CCDC88A: variants seen among roughly 807,000 people sequenced by gnomAD.
The protein encoded by CCDC88A is girdin.
Under a neutral mutation model 234.3 loss-of-function variants are expected in CCDC88A, and 54 were observed. The ratio of observed to expected loss-of-function variants is 0.23; its 90% CI spans 0.19 to 0.29. The LOEUF is 0.29. Ranked by LOEUF, CCDC88A falls within the 10% of genes least tolerant of loss-of-function variation. The pLI is 1.00. For missense variants in CCDC88A, 1,832 were observed against 2,123.4 expected, an observed-to-expected ratio of 0.86 and a Z score of 2.70; for synonymous variants, 753 against 737.8, an observed-to-expected ratio of 1.02 and a Z score of -0.33.
chr2:55,416,762 T>C lies in CCDC88A; in HGVS notation c.164+2054A>G, dbSNP rs149945406. Among the ~76,000 whole-genome samples, 335 of 151,830 alleles carry C rather than the reference T, an allele frequency of 2.2e-3. 1 individual carries two copies. The highest frequency in any genetic ancestry group is 3.7e-3 in the Non-Finnish European group (252 of 67,802). On this transcript the variant is annotated intron_variant, in intron 2 of 32. Transcript: ENST00000436346. Reference sequence around the variant, plus strand: ...AAAGCATACATTAATCTAAGTAAAGTGCTTAACAGAAATCCTAATGACTTC... The same window carrying C: ...AAAGCATACATTAATCTAAGTAAAGCGCTTAACAGAAATCCTAATGACTTC...
At chr2:55,400,587 A>C (rs529999625) in intron 2 of CCDC88A, among the ~76,000 whole-genome samples, 1 of 152,392 alleles carries the variant, frequency 6.6e-6, no homozygotes. Context: ...AAAATTTGTA[A>C]ATCAGGAAAA....
rs763967940 is a variant in CCDC88A at position 55,322,633 on chromosome 2, G to A, written c.3057C>T (p.Ser1019=). The A allele has an allele frequency of 3.1e-6, 5 of 1,601,780 alleles. No individual in the cohort carries two copies. Among genetic ancestry groups the A allele is most frequent in the Non-Finnish European group, 4.3e-6 (5 of 1,171,476 alleles). ...QRQDEERMVQ[S]SPPISGEDNK... is the part of the protein sequence containing the mutation. ...TGTCTTCACCAGATATTGGAGGAGAGCTCTGTACCATCCTTTCCTCATCTT... is the reference window on the plus strand; with the variant it reads ...TGTCTTCACCAGATATTGGAGGAGAACTCTGTACCATCCTTTCCTCATCTT... Residue 1019 remains serine (S), a synonymous_variant, in exon 18 of 33, where the codon AGC becomes AGT. Transcript: ENST00000436346.
intron 9 of CCDC88A, chr2:55,348,861 C>T (rs1669520552): frequency 6.6e-6 from 1 of 152,094 alleles, no homozygotes. Flanking sequence ...GTTTATGATC[C>T]TACAATTACA....
At chr2:55,391,638 C>T (rs970933820) in intron 2 of CCDC88A, among the ~76,000 whole-genome samples, 9 of 152,166 alleles carry the variant, frequency 5.9e-5, no homozygotes, top group Admixed American at 3.3e-4. Context: ...AAAAATTCAC[C>T]GCAGGAGCTT....
chr2:55,317,092 A>G lies in CCDC88A; in HGVS notation c.3746+114T>C. On this transcript the variant is annotated intron_variant, in intron 21 of 32. Transcript: ENST00000436346. This position sits in a 1 kb window ranked among gnomAD's most constrained non-coding sequence, Gnocchi z 4.2. ...ATGCTTGGTACTACAAAGGGGCAGT[A>G]TATAGTTTGGATGTAAGAAATAATA... 2.8e-6 allele frequency: 1 copy of G among 353,774 alleles called. No homozygotes were observed. Among genetic ancestry groups the G allele is most frequent in the East Asian group, 5.4e-5 (1 of 18,546 alleles). The allele number at this position is 353,774 out of a possible 1,614,324, so 21.9% of individuals were successfully genotyped here.
At chr2:55,373,759 G>A (rs1673189769) in intron 4 of CCDC88A, among the ~76,000 whole-genome samples, 1 of 152,022 alleles carries the variant, frequency 6.6e-6, no homozygotes, top group Non-Finnish European at 1.5e-5. Context: ...AAACTAAGCT[G>A]CTAATTCACA....
intron 5 of CCDC88A, among the ~76,000 whole-genome samples, chr2:55,369,555 C>A (rs3099075): frequency 0.45 from 67,405 of 151,180 alleles, 16,388 homozygotes; most frequent in East Asian, 0.85. Context: ...AGGTTCAAAC[C>A]GTTCTCCTGT....
intron 2 of CCDC88A, among the ~76,000 whole-genome samples, chr2:55,408,391 G>A (rs184779975): frequency 1.7e-4 from 26 of 152,130 alleles, no homozygotes; most frequent in Non-Finnish European, 3.4e-4. Context: ...CTTCATTCCC[G>A]GACAGTTAGG....
At chr2:55,301,069 G>A in intron 28 of CCDC88A, 137 bp downstream of exon 28, 1 of 613,752 alleles carries the variant, frequency 1.6e-6, no homozygotes, top group East Asian at 3.1e-5. Flanking sequence ...TTGAAGAAAT[G>A]GTAGAGGTAA....
At chr2:55,306,794 C>G (rs528273821) in intron 25 of CCDC88A, among the ~76,000 whole-genome samples, 16 of 152,072 alleles carry the variant, frequency 1.1e-4, no homozygotes, top group African/African-American at 3.1e-4. Context: ...CAGACTGGTC[C>G]TAAACTCCTG....
At chr2:55,390,491 T>C (rs1676470071) in intron 2 of CCDC88A, among the ~76,000 whole-genome samples, 2 of 152,174 alleles carry the variant, frequency 1.3e-5, no homozygotes, top group Non-Finnish European at 1.5e-5. Context: ...AAGGGACTAG[T>C]TGAGAAAATA....
Position 55,328,053 on chromosome 2 carries a change from C to T in CCDC88A, c.2997+241G>A, listed in dbSNP as rs1238769716. On this transcript the variant is annotated intron_variant, in intron 17 of 32. Transcript: ENST00000436346. This position sits in a 1 kb window ranked among gnomAD's most constrained non-coding sequence, Gnocchi z 4.3. ...CTGCCTCTTCCTCATTCCACCCACA[C>T]ACTTCTGATATATCCCTAACAGCAG... 2.0e-5 allele frequency among the ~76,000 whole-genome samples: 3 copies of T among 152,176 alleles called. No individual in the cohort carries two copies. The highest frequency in any genetic ancestry group is 2.9e-5 in the Non-Finnish European group (2 of 68,026).
intron 6 of CCDC88A, chr2:55,363,668 G>A (rs1671605729): frequency 4.1e-6 from 1 of 244,626 alleles, no homozygotes; most frequent in Non-Finnish European, 7.7e-6. Context: ...TCCATTTACT[G>A]CTTTGTAATC....
In CCDC88A at chr2:55,410,065, T is replaced by G. The variant is rs554144576; in HGVS notation, c.164+8751A>C. ...CTACCTCCCCACTTTTAAATGACAC[T>G]CCAGGTGCCCAGAACTTTGCAATTT... On this transcript the variant is annotated intron_variant, in intron 2 of 32. Transcript: ENST00000436346. Among the ~76,000 whole-genome samples, 4 of 152,182 alleles carry G rather than the reference T, an allele frequency of 2.6e-5. No individual in the cohort carries two copies. The East Asian group carries it at 5.8e-4, about 22-fold the overall frequency.
intron 2 of CCDC88A, among the ~76,000 whole-genome samples, chr2:55,402,104 C>G (rs1398281468): frequency 1.3e-5 from 2 of 151,786 alleles, no homozygotes; most frequent in Non-Finnish European, 2.9e-5. Flanking sequence ...TTGCAGACTC[C>G]CAAAGAGCTT....
chr2:55,385,705 T>C (rs1266585531), intron 3 of CCDC88A, among the ~76,000 whole-genome samples: 2 of 150,402 alleles, frequency 1.3e-5, no homozygotes, highest in African/African-American at 2.5e-5. Context: ...ATACAAAAAT[T>C]AGCCGGGCCT....
intron 3 of CCDC88A, among the ~76,000 whole-genome samples, chr2:55,382,310 G>T (rs1674726163): frequency 6.6e-6 from 1 of 152,142 alleles, no homozygotes; most frequent in Middle Eastern, 3.2e-3. Flanking sequence ...TCTGTTCTTT[G>T]TTTTTGATAC....
Position 55,388,349 on chromosome 2 carries a change from T to C in CCDC88A, c.273+429A>G, listed in dbSNP as rs541584966. Among the ~76,000 whole-genome samples the C allele has an allele frequency of 6.1e-4, 93 of 152,204 alleles. 1 individual carries two copies. In the South Asian group the frequency reaches 9.7e-3, roughly 16 times the overall value. On this transcript the variant is annotated intron_variant, in intron 3 of 32. Transcript: ENST00000436346. The stretch of plus-strand genomic sequence containing the variant: ...CTTTTAAAATACGCCATACCAAAAT[T>C]TATGCAATGCAGATATAGCAATTTT...
At chr2:55,313,121 G>C (rs1198221851) in intron 22 of CCDC88A, 1 of 152,346 alleles carries the variant, frequency 6.6e-6, no homozygotes, top group Non-Finnish European at 1.5e-5. Flanking sequence ...GCCCAGGCTG[G>C]AGTGCAATAG....
Sources: gnomAD v4.1 joint callset for allele counts (sites outside exome capture counted in the v4.1 genomes callset) on GRCh38, gnomAD v4.1.1 for gene constraint, Gnocchi (gnomAD v3.1) non-coding constraint, MANE v1.5 for transcripts, NCBI Gene and HGNC (gene_info 2026-07-23, HGNC 2026-07-21) for gene names.